CAPN13: variants seen among roughly 807,000 people sequenced by gnomAD.
CAPN13 encodes the protein calpain-13.
Under a neutral mutation model 98.4 loss-of-function variants are expected in CAPN13, and 90 were observed. That is an observed-to-expected ratio of 0.92 (90% confidence interval 0.77 to 1.09). The LOEUF (loss-of-function observed/expected upper bound fraction) is 1.09, where lower values mean the gene tolerates loss of function less well. CAPN13 is among the 50% of genes least tolerant of loss of function. The pLI is 0.00. For synonymous variants in CAPN13, 330 were observed against 305.5 expected (o/e 1.08, Z -0.84); for missense variants, 887 against 841.3 (o/e 1.05, Z -0.67).
At chr2:30,796,572 T>C (rs931545160) in intron 1 of CAPN13, among the ~76,000 whole-genome samples, 1 of 152,118 alleles carries the variant, frequency 6.6e-6, no homozygotes, top group African/African-American at 2.4e-5. Flanking sequence ...TCTTTCATCA[T>C]TTTTAATAGT....
intron 7 of CAPN13, among the ~76,000 whole-genome samples, chr2:30,758,570 C>T (rs906305350): frequency 6.6e-6 from 1 of 152,152 alleles, no homozygotes; most frequent in Non-Finnish European, 1.5e-5. Flanking sequence ...CCAGTGGGAG[C>T]TATGGTGCAG....
At chr2:30,734,854 C>A (rs1245176815) in intron 18 of CAPN13, among the ~76,000 whole-genome samples, 1 of 152,070 alleles carries the variant, frequency 6.6e-6, no homozygotes, top group Non-Finnish European at 1.5e-5. Flanking sequence ...ACAGGCTTTA[C>A]AACCAAACTG....
rs761322684 is a variant in CAPN13 at position 30,753,102 on chromosome 2, T to G, written c.1038A>C (p.Gly346=). 3 of 1,614,028 alleles carry G rather than the reference T, an allele frequency of 1.9e-6. No individual in the cohort carries two copies. In the African/African-American group the frequency reaches 4.0e-5, roughly 22 times the overall value. ...TLDHGNTLHE[G]WSQIMFRKQV... is the part of the protein sequence containing the mutation. The stretch of plus-strand genomic sequence containing the variant: ...GCTTCCTAAACATTATTTGGGACCA[T>G]CCTTCGTGGAGTGTGTTTCCATGGT... The change falls in exon 10 of 23, where the codon GGA becomes GGC. Residue 346 remains glycine (G), a synonymous_variant. Coordinates refer to ENST00000295055, the MANE Select transcript of CAPN13 (RefSeq NM_144575.3).
At chr2:30,743,912 G>A (rs1307611855) in intron 12 of CAPN13, among the ~76,000 whole-genome samples, 1 of 152,102 alleles carries the variant, frequency 6.6e-6, no homozygotes, top group African/African-American at 2.4e-5. Context: ...TTTTGACACT[G>A]ATTTTCTTCT....
At position 30,777,553 on chromosome 2, in the gene CAPN13, T is replaced by A. The variant is rs1673766051; in HGVS notation, c.271+14A>T. ...TCCTATCCAGGGCACGGAGGGAAGA[T>A]GTTGCACTCTTACCTGCGCCTCCTT... is the stretch of plus-strand genomic sequence containing the variant. On this transcript the variant is annotated intron_variant, in intron 3 of 22. Transcript: ENST00000295055. 6.4e-7 allele frequency: 1 copy of A among 1,563,922 alleles called. No homozygotes were observed. Among genetic ancestry groups the A allele is most frequent in the Non-Finnish European group, 8.7e-7 (1 of 1,152,020 alleles).
chr2:30,744,987 G>A (rs982652296), intron 12 of CAPN13, among the ~76,000 whole-genome samples: 19 of 152,162 alleles, frequency 1.2e-4, no homozygotes, highest in Admixed American at 2.6e-4. Context: ...CCTGACCCCC[G>A]CTCTGTGGCT....
chr2:30,784,241 C>T (rs990067441), intron 2 of CAPN13, among the ~76,000 whole-genome samples: 1 of 151,954 alleles, frequency 6.6e-6, no homozygotes, highest in Non-Finnish European at 1.5e-5. Flanking sequence ...TCCCTGCCAA[C>T]CTTCTTTCAG....
chr2:30,797,682 A>G (rs559971935), intron 1 of CAPN13, among the ~76,000 whole-genome samples: 2 of 152,332 alleles, frequency 1.3e-5, no homozygotes, highest in East Asian at 3.9e-4. Flanking sequence ...GCTGGTGGGC[A>G]TACCAGGCAC....
Position 30,787,306 on chromosome 2 carries a change from G to A in CAPN13, c.20C>T (p.Pro7Leu), listed in dbSNP as rs780731866. ...CTTGATGATGGAGGTCTCCACTGAAGGCTCCTGGTAATACGCCATGACTCT... is the reference window on the plus strand; with the variant it reads ...CTTGATGATGGAGGTCTCCACTGAAAGCTCCTGGTAATACGCCATGACTCT... Reference protein sequence around the residue: MAYYQEPSVETSIIKFK... With the variant: MAYYQELSVETSIIKFK... The change falls in exon 2 of 23, where the codon CCT (proline) becomes CTT (leucine). Residue 7 changes from proline (P) to leucine (L), a missense_variant. Physicochemically the swap from Pro to Leu is moderately conservative, Grantham distance 98. Transcript: ENST00000295055. The A allele has an allele frequency of 5.6e-6, 9 of 1,612,924 alleles. No individual in the cohort carries two copies. In the East Asian group the frequency reaches 2.0e-4, roughly 36 times the overall value.
intron 1 of CAPN13, among the ~76,000 whole-genome samples, chr2:30,801,873 C>A (rs1675302255): frequency 6.6e-6 from 1 of 152,104 alleles, no homozygotes; most frequent in Non-Finnish European, 1.5e-5. Flanking sequence ...AGAATTGTGT[C>A]CAAATATTAC....
chr2:30,735,707 C>T (rs1268948566), intron 18 of CAPN13, among the ~76,000 whole-genome samples: 1 of 152,134 alleles, frequency 6.6e-6, no homozygotes, highest in African/African-American at 2.4e-5. Flanking sequence ...ACTGAAATAG[C>T]CACACAGGAA....
chr2:30,764,060 A>C, intron 6 of CAPN13, 72 bp downstream of exon 6: 1 of 1,446,240 alleles, frequency 6.9e-7, no homozygotes, highest in Non-Finnish European at 9.4e-7. Flanking sequence ...CCTTAGCTGA[A>C]TGGACCCCTG....
At chr2:30,741,791 T>G (rs1389790439) in intron 15 of CAPN13, 117 bp downstream of exon 15, 2 of 1,551,618 alleles carry the variant, frequency 1.3e-6, no homozygotes, top group Non-Finnish European at 1.7e-6. Context: ...GCAGGTAAAA[T>G]AGTCCATCAA....
chr2:30,774,468 T>C (rs1475018255), intron 4 of CAPN13, among the ~76,000 whole-genome samples: 1 of 152,074 alleles, frequency 6.6e-6, no homozygotes, highest in Non-Finnish European at 1.5e-5. Context: ...CAGCACAGAT[T>C]GAGAAAGTAG....
chr2:30,805,478 C>G (rs915967058), intron 1 of CAPN13, among the ~76,000 whole-genome samples: 4 of 152,056 alleles, frequency 2.6e-5, no homozygotes, highest in Non-Finnish European at 5.9e-5. Flanking sequence ...TATAGAGAAC[C>G]CAGGCTAAAA....
Position 30,758,071 on chromosome 2 carries a change from C to T in CAPN13, c.841G>A (p.Glu281Lys), listed in dbSNP as rs759626011. Residue 281 changes from glutamate to lysine, a missense_variant, in exon 8 of 23, where the codon GAA becomes AAA. By Grantham distance (56) the Glu-to-Lys change is moderately conservative. Transcript: ENST00000295055. ...CCATCACTCCAGCGCCCTCTCCATT[C>T]GGCCTCGCCCCAGCCCCAGGGGTTC... Reference protein sequence around the residue: ...LWNPWGWGEAEWRGRWSDGSQ... With the variant: ...LWNPWGWGEAKWRGRWSDGSQ... 3.5e-5 allele frequency: 56 copies of T among 1,611,296 alleles called. No homozygotes were observed. Among genetic ancestry groups the T allele is most frequent in the East Asian group, 2.2e-4 (10 of 44,802 alleles).
chr2:30,805,231 C>T (rs568449003), intron 1 of CAPN13, among the ~76,000 whole-genome samples: 6 of 152,316 alleles, frequency 3.9e-5, no homozygotes, highest in Non-Finnish European at 5.9e-5. Flanking sequence ...GTCCTCTCTA[C>T]CCTTGCTCGG....
At chr2:30,771,066 G>A (rs573371793) in intron 4 of CAPN13, among the ~76,000 whole-genome samples, 38 of 152,326 alleles carry the variant, frequency 2.5e-4, no homozygotes, top group Middle Eastern at 3.4e-3. Flanking sequence ...CATTATAGCA[G>A]CAGAAAGGAT....
chr2:30,780,396 C>A (rs1055903578), intron 2 of CAPN13, among the ~76,000 whole-genome samples: 1 of 152,240 alleles, frequency 6.6e-6, no homozygotes, highest in Non-Finnish European at 1.5e-5. Context: ...TGTAGAAATG[C>A]AGAATGCAAG....
Sources: gnomAD v4.1 joint callset for allele counts (sites outside exome capture counted in the v4.1 genomes callset) on GRCh38, gnomAD v4.1.1 for gene constraint, MANE v1.5 for transcripts, NCBI Gene and HGNC (gene_info 2026-07-23, HGNC 2026-07-21) for gene names.